SETD9: variants seen among roughly 807,000 people sequenced by gnomAD.
The protein encoded by SETD9 is SET domain-containing protein 9.
SETD9 carries 37 observed loss-of-function variants against 36.4 expected under a neutral mutation model. The observed-to-expected ratio is 1.02, with a 90% CI of 0.78 to 1.34. The LOEUF (loss-of-function observed/expected upper bound fraction) is 1.34, where lower values mean the gene tolerates loss of function less well. Ranked by LOEUF, SETD9 falls within the 40% of genes most tolerant of loss-of-function variation. The pLI, the probability that SETD9 is intolerant of heterozygous loss-of-function variation, is 0.00. For missense variants in SETD9, 323 were observed against 353.2 expected, an observed-to-expected ratio of 0.91 and a Z score of 0.69; for synonymous variants, 128 against 132.9, an observed-to-expected ratio of 0.96 and a Z score of 0.26.
intron 2 of SETD9, 48 bp from the exon 3 acceptor site, chr5:56,912,963 A>G (rs770136875): frequency 1.7e-5 from 27 of 1,585,322 alleles, no homozygotes; most frequent in Non-Finnish European, 2.3e-5. Context: ...CGCAGTGTTT[A>G]TGATTTTTCA....
downstream of SETD9, chr5:56,917,447 A>T: frequency 1.9e-6 from 1 of 520,652 alleles, no homozygotes; most frequent in Non-Finnish European, 2.5e-6. Flanking sequence ...ACATTTTCAC[A>T]CCAAAGAAAA....
intron 1 of SETD9, chr5:56,910,731 G>T: frequency 1.1e-5 from 2 of 188,858 alleles, no homozygotes; most frequent in South Asian, 1.5e-4. Context: ...GAAACTACAA[G>T]GCCATTTTTA....
downstream of SETD9, among the ~76,000 whole-genome samples, chr5:56,919,315 G>A (rs1414588094): frequency 6.6e-6 from 1 of 151,860 alleles, no homozygotes; most frequent in East Asian, 1.9e-4. Context: ...TAGTAGAGAC[G>A]GGGTTTCACT....
At position 56,910,472 on chromosome 5, in the gene SETD9, TC is replaced by T; in HGVS notation, c.99-694del. 3.4e-6 allele frequency: 4 copies of T among 1,165,150 alleles called. No homozygotes were observed. In the South Asian group the frequency reaches 4.3e-5, roughly 13 times the overall value. The allele number at this position is 1,165,150 out of a possible 1,614,324, so 72.2% of individuals were successfully genotyped here. A position where few individuals can be genotyped will look rare whatever the true frequency, so the allele number is the denominator to read the frequency against. On this transcript the variant is annotated intron_variant, in intron 1 of 5. Coordinates refer to ENST00000285947, the MANE Select transcript of SETD9 (RefSeq NM_153706.4). ...GCTCACCAAAGAGGCCGACCGGGCC[TC>T]CCTGAAGTCAGTGTCCGACAAATAG...
upstream of SETD9, chr5:56,909,561 C>T: frequency 1.9e-6 from 2 of 1,070,730 alleles, no homozygotes; most frequent in East Asian, 3.0e-5. Context: ...CCGAGCGCGG[C>T]CCCCTCTCCT....
rs1244751134 is a variant in SETD9, at chr5:56,913,021, T to C, written c.477T>C (p.Tyr159=). The stretch of plus-strand genomic sequence containing the variant: ...CTTGTTGTGTAATAGGTACAGTATA[T>C]CAGAAGTATGAGCCGATCTTTTTCC... ...AVVSMYPGTV[Y]QKYEPIFFQS... Residue 159 remains tyrosine, a synonymous_variant, in exon 3 of 6, where the codon TAT becomes TAC. Coordinates refer to ENST00000285947, the MANE Select transcript of SETD9 (RefSeq NM_153706.4). The C allele has an allele frequency of 1.9e-6, 3 of 1,613,924 alleles. No individual in the cohort carries two copies. The South Asian group carries it at 3.3e-5, about 18-fold the overall frequency.
downstream of SETD9, chr5:56,917,473 C>A: frequency 3.1e-6 from 1 of 325,940 alleles, no homozygotes; most frequent in Non-Finnish European, 4.4e-6. Context: ...AAAAAAAGTG[C>A]AAGATAGTGT....
rs1325357892 is a variant in SETD9 at position 56,911,367 on chromosome 5, G to A, written c.297G>A (p.Leu99=). ...CAGTTGAACATCAAGGGGTGAAACT[G>A]CTTGAAAACAGACATCAACAGCAAA... is the stretch of plus-strand genomic sequence containing the variant. ...LLAVEHQGVK[L]LENRHQQQST... Residue 99 remains leucine, a synonymous_variant, in exon 2 of 6, where the codon CTG becomes CTA. Coordinates refer to ENST00000285947, the MANE Select transcript of SETD9 (RefSeq NM_153706.4). The A allele has an allele frequency of 1.2e-6, 2 of 1,612,904 alleles. No homozygotes were observed. The highest frequency in any genetic ancestry group is 2.7e-5 in the African/African-American group (2 of 74,848).
chr5:56,909,520 G>C, upstream of SETD9: 1 of 639,286 alleles, frequency 1.6e-6, no homozygotes, highest in South Asian at 2.2e-5. Flanking sequence ...GCGGTGCCAG[G>C]AACACTGAGA....
At chr5:56,916,572 A>G (rs1749438041) in intron 5 of SETD9, among the ~76,000 whole-genome samples, 2 of 152,200 alleles carry the variant, frequency 1.3e-5, no homozygotes, top group Admixed American at 1.3e-4. Flanking sequence ...CTTAGAAACA[A>G]TGTTTTCAGA....
rs1251954329 is a variant in SETD9, at chr5:56,911,416, C to CT, written c.349dup (p.Tyr117LeufsTer13). 1.9e-6 allele frequency: 3 copies of CT among 1,613,528 alleles called. No homozygotes were observed. In the African/African-American group the frequency reaches 4.0e-5, roughly 22 times the overall value. Reference sequence around the variant, plus strand: ...AAGTACCTTTAAACCAGAAGAAATTCTTTACAAGACTTTGGGTTTCAGTGT... The same window carrying CT: ...AAGTACCTTTAAACCAGAAGAAATTCTTTTACAAGACTTTGGGTTTCAGTGT... On this transcript the variant is annotated frameshift_variant, in exon 2 of 6. Transcript: ENST00000285947. LOFTEE classifies it high-confidence loss of function.
At chr5:56,911,567 A>C in intron 2 of SETD9, 31 bp downstream of exon 2, 1 of 1,493,236 alleles carries the variant, frequency 6.7e-7, no homozygotes, top group South Asian at 1.4e-5. Flanking sequence ...ATACTTTGCC[A>C]AGCTTCTTAC....
At chr5:56,920,428 TAAGAA>T (rs1412375652), downstream of SETD9, 1 of 152,310 alleles carries the variant, frequency 6.6e-6, no homozygotes, top group Non-Finnish European at 1.5e-5. Context: ...GGTTTGTTCA[TAAGAA>T]AATAATGGGG....
At chr5:56,927,078 T>A (rs751953231), downstream of SETD9, among the ~76,000 whole-genome samples, 3 of 151,886 alleles carry the variant, frequency 2.0e-5, no homozygotes, top group Non-Finnish European at 2.9e-5. Context: ...TGCTAGAAGT[T>A]GTTAGGGAGG....
Position 56,913,975 on chromosome 5 carries a change from A to G in SETD9, c.692A>G (p.Asn231Ser). The change falls in exon 4 of 6, where the codon AAC (asparagine) becomes AGC (serine). Residue 231 changes from asparagine to serine, a missense_variant. Asn to Ser is a conservative substitution (Grantham distance 46, BLOSUM62 1). Coordinates refer to ENST00000285947, the MANE Select transcript of SETD9 (RefSeq NM_153706.4). ...HNPLAVGQYVNNCSNDRAANV... is the reference protein window; with the variant it reads ...HNPLAVGQYVSNCSNDRAANV... ...CCTCTGGCTGTGGGACAGTATGTCA[A>G]CAATTGTTCCAATGGTAAGAAGGCA... is the stretch of plus-strand genomic sequence containing the variant. The G allele has an allele frequency of 6.2e-7, 1 of 1,611,994 alleles. No homozygotes were observed. The highest frequency in any genetic ancestry group is 2.2e-5 in the East Asian group (1 of 44,850).
rs779168540 is a variant in SETD9, at chr5:56,909,598, C to G, written c.-48C>G. On this transcript the variant is annotated 5_prime_UTR_variant, in exon 1 of 6. Transcript: ENST00000285947. Reference sequence around the variant, plus strand: ...CCGGGCCGGGGCGGGCCCGAGGCCTCGATCCGCCTTCCCCGCGCCGTCCTG... The same window carrying G: ...CCGGGCCGGGGCGGGCCCGAGGCCTGGATCCGCCTTCCCCGCGCCGTCCTG... The G allele has an allele frequency of 2.0e-6, 3 of 1,506,186 alleles. No homozygotes were observed. The highest frequency in any genetic ancestry group is 2.7e-6 in the Non-Finnish European group (3 of 1,114,908). The allele number at this position is 1,506,186 out of a possible 1,614,324, so 93.3% of individuals were successfully genotyped here.
chr5:56,909,754 G>A lies in SETD9; in HGVS notation c.98+11G>A, dbSNP rs1293282893. ...AAGCCACAACCCGAGGTGAGAGGGC[G>A]GGACGGCAGAACGAGGGGCACCTGC... On this transcript the variant is annotated intron_variant, in intron 1 of 5. Transcript: ENST00000285947. 2.5e-6 allele frequency: 4 copies of A among 1,607,236 alleles called. No individual in the cohort carries two copies. The highest frequency in any genetic ancestry group is 2.3e-5 in the East Asian group (1 of 44,314).
chr5:56,914,961 A>G lies in SETD9; in HGVS notation c.807A>G (p.Lys269=). The change falls in exon 5 of 6, where the codon AAA becomes AAG. Residue 269 remains lysine (K), a synonymous_variant. Coordinates refer to ENST00000285947, the MANE Select transcript of SETD9 (RefSeq NM_153706.4). ...YLPNIAYSYD[K]QSPLRCVVLV... ...CAAACATTGCCTACAGCTATGACAAACAAAGGTTCGTTTGCTAAAAGAGCA... is the reference window on the plus strand; with the variant it reads ...CAAACATTGCCTACAGCTATGACAAGCAAAGGTTCGTTTGCTAAAAGAGCA... 5 of 1,583,782 alleles carry G rather than the reference A, an allele frequency of 3.2e-6. No individual in the cohort carries two copies. In the South Asian group the frequency reaches 5.8e-5, roughly 18 times the overall value.
intron 1 of SETD9, 43 bp downstream of exon 1, chr5:56,909,786 T>G: frequency 8.6e-6 from 13 of 1,515,396 alleles, no homozygotes; most frequent in Non-Finnish European, 1.1e-5. Flanking sequence ...CTGCCTTCGG[T>G]TCCCAGACGC....
Sources: allele counts gnomAD v4.1 joint callset (sites outside exome capture counted in the v4.1 genomes callset), GRCh38; gene constraint gnomAD v4.1.1; transcripts MANE v1.5; gene names NCBI Gene and HGNC (gene_info 2026-07-23, HGNC 2026-07-21).